The following ACE variants were observed in gnomAD, a reference collection of about 807,000 sequenced individuals.
ACE encodes the protein angiotensin I converting enzyme.
In ACE, 122 loss-of-function variants were observed where a neutral mutation model predicts 162.3. That is an observed-to-expected ratio of 0.75 (90% CI 0.65 to 0.87). The LOEUF (loss-of-function observed/expected upper bound fraction) is 0.87. ACE is among the 40% of genes least tolerant of loss of function. ACE has a pLI of 0.00. For missense variants in ACE, 1,799 were observed against 1,735.1 expected (o/e 1.04, Z -0.65); for synonymous variants, 796 against 720.6 (o/e 1.10, Z -1.68).
chr17:63,482,406 C>T (rs1213188964), intron 7 of ACE, 60 bp from the exon 8 acceptor site: 3 of 1,514,490 alleles, frequency 2.0e-6, no homozygotes, highest in Non-Finnish European at 2.7e-6. Flanking sequence ...TGCCCTGTGC[C>T]CTGGCCCTGC....
At position 63,491,528 on chromosome 17, in the gene ACE, G is replaced by A. The variant is rs1223268359; in HGVS notation, c.2912+147G>A. ...GAGTTTGGGACTGAGTGTCTAGAGAGGTGTTGGCTTCTGGCAGGAAAACCC... is the reference window on the plus strand; with the variant it reads ...GAGTTTGGGACTGAGTGTCTAGAGAAGTGTTGGCTTCTGGCAGGAAAACCC... On this transcript the variant is annotated intron_variant, in intron 19 of 24. Transcript: ENST00000290866. The surrounding 1 kb of genome is among the most constrained non-coding windows in gnomAD (Gnocchi z 4.4). 3.7e-6 allele frequency: 4 copies of A among 1,079,412 alleles called. No homozygotes were observed. The East Asian group carries it at 1.0e-4, about 27-fold the overall frequency. The allele number at this position is 1,079,412 out of a possible 1,614,324, so 66.9% of individuals were successfully genotyped here. A position where few individuals can be genotyped will look rare whatever the true frequency, so the allele number is the denominator to read the frequency against.
rs2147579299 is a variant in ACE at position 63,497,004 on chromosome 17, C to T, written c.3691+19C>T. On this transcript the variant is annotated intron_variant, in intron 24 of 24. Transcript: ENST00000290866. ...AACTCCGGTACCGCCACCCACCCCA[C>T]CTCCAGCCTTGGGTCTTAACCCCCT... The T allele has an allele frequency of 6.2e-7, 1 of 1,601,928 alleles. No individual in the cohort carries two copies. Among genetic ancestry groups the T allele is most frequent in the East Asian group, 2.3e-5 (1 of 44,342 alleles).
intron 3 of ACE, among the ~76,000 whole-genome samples, 158 bp downstream of exon 3, chr17:63,479,258 G>A (rs1182742824): frequency 3.9e-5 from 6 of 152,040 alleles, no homozygotes; most frequent in African/African-American, 1.2e-4. Context: ...ATACCCCCAC[G>A]CCCTGCTTCT....
rs1362069107 is a variant in ACE at position 63,479,089 on chromosome 17, C to T, written c.500C>T (p.Ser167Phe). ...CCCAACAAGACTGCCACCTGCTGGT[C>T]CCTGGACCCAGGTACGGCCCTTGCA... The part of the protein sequence containing the change: ...CLPNKTATCW[S>F]LDPDLTNILA... The change falls in exon 3 of 25, where the codon TCC (serine) becomes TTC (phenylalanine). Residue 167 changes from serine (S) to phenylalanine (F), a missense_variant. By Grantham distance (155) the Ser-to-Phe change is radical. Coordinates refer to ENST00000290866, the MANE Select transcript of ACE (RefSeq NM_000789.4). 6.2e-7 allele frequency: 1 copy of T among 1,612,840 alleles called. No homozygotes were observed. The highest frequency in any genetic ancestry group is 8.5e-7 in the Non-Finnish European group (1 of 1,179,656).
rs975400760 is a variant in ACE at position 63,497,379 on chromosome 17, G to C, written c.*13G>C. 1.9e-6 allele frequency: 3 copies of C among 1,546,880 alleles called. No homozygotes were observed. The highest frequency in any genetic ancestry group is 4.9e-5 in the East Asian group (2 of 40,852). On this transcript the variant is annotated 3_prime_UTR_variant, in exon 25 of 25. Coordinates refer to ENST00000290866, the MANE Select transcript of ACE (RefSeq NM_000789.4). The stretch of plus-strand genomic sequence containing the variant: ...GAGACACTCCTGAGGTGACCCGGCT[G>C]GGTCGGCCCTGCCCAAGGGCCTCCC...
chr17:63,490,299 C>T (rs1224229344), intron 17 of ACE: 1 of 153,798 alleles, frequency 6.5e-6, no homozygotes, highest in Non-Finnish European at 1.4e-5. Flanking sequence ...GAACTAGGCT[C>T]TTTTCTTACA....
chr17:63,493,283 G>A (rs2030500294), intron 19 of ACE, among the ~76,000 whole-genome samples, 153 bp from the exon 20 acceptor site: 1 of 152,162 alleles, frequency 6.6e-6, no homozygotes, highest in Non-Finnish European at 1.5e-5. Flanking sequence ...ACACTCAGTG[G>A]TTGCCCTTCC....
At chr17:63,494,204 G>A in intron 21 of ACE, 138 bp downstream of exon 21, 1 of 1,352,488 alleles carries the variant, frequency 7.4e-7, no homozygotes, top group Non-Finnish European at 1.0e-6. Context: ...GATGTGTGTG[G>A]TGTAAGTGAT....
intron 14 of ACE, 36 bp from the exon 15 acceptor site, chr17:63,486,950 A>G (rs752942766): frequency 6.3e-7 from 1 of 1,575,432 alleles, no homozygotes; most frequent in South Asian, 1.1e-5. Flanking sequence ...CCAAGTGCAA[A>G]GGAGTACAGC....
chr17:63,482,769 T>C (rs1435463925), intron 8 of ACE, 80 bp downstream of exon 8: 2 of 1,452,016 alleles, frequency 1.4e-6, no homozygotes, highest in Non-Finnish European at 1.9e-6. Flanking sequence ...CTTGCCCCAC[T>C]CAGCTCTGCC....
intron 20 of ACE, 86 bp from the exon 21 acceptor site, chr17:63,493,836 C>G (rs2030549436): frequency 1.9e-6 from 3 of 1,596,618 alleles, no homozygotes; most frequent in Non-Finnish European, 2.6e-6. Flanking sequence ...AAAGGTACAG[C>G]ACCCCCACCC....
intron 6 of ACE, 46 bp downstream of exon 6, chr17:63,481,234 G>GGGC: frequency 1.6e-6 from 1 of 624,022 alleles, no homozygotes; most frequent in Non-Finnish European, 3.0e-6. Flanking sequence ...CGGGGGTGGG[G>GGGC]CGCAAAAAAA....
chr17:63,493,486 A>G lies in ACE; in HGVS notation c.2963A>G (p.His988Arg), dbSNP rs1315238107. The G allele has an allele frequency of 6.2e-7, 1 of 1,613,506 alleles. No homozygotes were observed. Among genetic ancestry groups the G allele is most frequent in the Non-Finnish European group, 8.5e-7 (1 of 1,179,944 alleles). Residue 988 changes from histidine to arginine, a missense_variant, in exon 20 of 25, where the codon CAC becomes CGC. Physicochemically the swap from His to Arg is conservative, Grantham distance 29. Coordinates refer to ENST00000290866, the MANE Select transcript of ACE (RefSeq NM_000789.4). ...TTGGAGGACCTGGTGGTGGCCCACC[A>G]CGAAATGGGCCACATCCAGTATTTC... ...VNLEDLVVAH[H>R]EMGHIQYFMQ...
rs973383128 is a variant in ACE, at chr17:63,498,250, C to G, written c.*884C>G. The G allele has an allele frequency of 6.6e-6, 1 of 152,250 alleles. No individual in the cohort carries two copies. Among genetic ancestry groups the G allele is most frequent in the African/African-American group, 2.4e-5 (1 of 41,456 alleles). The allele number at this position is 152,250 out of a possible 1,614,324, so 9.4% of individuals were successfully genotyped here. ...GCGTCCCAGCACACACCTCCTCACT[C>G]CCTGCATTGGAGGGAGTGTCATTTT... On this transcript the variant is annotated 3_prime_UTR_variant, in exon 25 of 25. Transcript: ENST00000290866.
Position 63,483,473 on chromosome 17 carries a change from G to A in ACE, c.1501G>A (p.Gly501Arg), listed in dbSNP as rs886053221. The change falls in exon 10 of 25, where the codon GGG becomes AGG. Residue 501 changes from glycine to arginine, a missense_variant. Coordinates refer to ENST00000290866, the MANE Select transcript of ACE (RefSeq NM_000789.4). Reference sequence around the variant, plus strand: ...ATCCTTTTCCAGAACCAAGTATCAGGGGATCTGTCCTCCTGTTACCCGAAA... The same window carrying A: ...ATCCTTTTCCAGAACCAAGTATCAGAGGATCTGTCCTCCTGTTACCCGAAA... Reference protein sequence around the residue: ...DWWYLRTKYQGICPPVTRNET... With the variant: ...DWWYLRTKYQRICPPVTRNET... 1.2e-6 allele frequency: 2 copies of A among 1,613,972 alleles called. No homozygotes were observed. The highest frequency in any genetic ancestry group is 1.7e-6 in the Non-Finnish European group (2 of 1,179,894).
At position 63,484,688 on chromosome 17, in the gene ACE, A is replaced by T; in HGVS notation, c.1921+147A>T. The T allele has an allele frequency of 6.9e-7, 1 of 1,443,252 alleles. No homozygotes were observed. The highest frequency in any genetic ancestry group is 2.5e-5 in the East Asian group (1 of 40,220). The allele number at this position is 1,443,252 out of a possible 1,614,324, so 89.4% of individuals were successfully genotyped here. On this transcript the variant is annotated intron_variant, in intron 12 of 24. Coordinates refer to ENST00000290866, the MANE Select transcript of ACE (RefSeq NM_000789.4). The surrounding 1 kb of genome is among the most constrained non-coding windows in gnomAD (Gnocchi z 4.0). ...CAGGCAGCCCCCCAAGCTCATCAGCAGGGCCTGCGAGTGGGGACAGGCATG... is the reference window on the plus strand; with the variant it reads ...CAGGCAGCCCCCCAAGCTCATCAGCTGGGCCTGCGAGTGGGGACAGGCATG...
rs201976241 is a variant in ACE, at chr17:63,493,672, C to T, written c.3136+13C>T. 203 of 1,613,320 alleles carry T rather than the reference C, an allele frequency of 1.3e-4. 1 individual carries two copies. The East Asian group carries it at 3.8e-3, about 30-fold the overall frequency. ...GGTGGCAGCGACGGTGAGAGAGAAG[C>T]GGGAGGCCCTGGTGGGCTGAGGACC... On this transcript the variant is annotated intron_variant, in intron 20 of 24. Coordinates refer to ENST00000290866, the MANE Select transcript of ACE (RefSeq NM_000789.4).
At chr17:63,483,631 G>C in intron 10 of ACE, 73 bp downstream of exon 10, 1 of 1,338,270 alleles carries the variant, frequency 7.5e-7, no homozygotes, top group Non-Finnish European at 1.0e-6. Context: ...TGTGATCCTA[G>C]CTGCCTCATC....
intron 20 of ACE, 124 bp from the exon 21 acceptor site, chr17:63,493,798 C>A: frequency 6.5e-7 from 1 of 1,532,528 alleles, no homozygotes; most frequent in Middle Eastern, 2.0e-4. Context: ...CCACCCAGAC[C>A]ATCCCAGGAG....
Sources: allele counts gnomAD v4.1 joint callset (sites outside exome capture counted in the v4.1 genomes callset), GRCh38; gene constraint gnomAD v4.1.1; non-coding constraint Gnocchi (gnomAD v3.1); transcripts MANE v1.5; gene names NCBI Gene and HGNC (gene_info 2026-07-23, HGNC 2026-07-21).